The following CTNND2 variants were observed in gnomAD, a reference collection of about 807,000 sequenced individuals.
CTNND2 encodes catenin delta 2.
CTNND2 carries 22 observed loss-of-function variants against 144.4 expected under a neutral mutation model. That is an observed-to-expected ratio of 0.15 (90% CI 0.11 to 0.22). The LOEUF (loss-of-function observed/expected upper bound fraction) is 0.22. Among genes scored for constraint, CTNND2 ranks in the 10% least tolerant of loss-of-function variants. The pLI is 1.00. For missense variants in CTNND2, 1,353 were observed against 1,618.8 expected (o/e 0.84, Z 2.82); for synonymous variants, 751 against 695.6 (o/e 1.08, Z -1.25).
rs1228711025 is a variant in CTNND2 at position 11,364,742 on chromosome 5, C to G, written c.1326G>C (p.Gly442=). The stretch of plus-strand genomic sequence containing the variant: ...CGGTGTGTGCTGGCGGCAGAGGGTC[C>G]CCCTGGCTCTGGCTGAGACTCCTCA... ...PPMRSLSQSQ[G]DPLPPAHTGT... is the part of the protein sequence containing the mutation. The change falls in exon 8 of 22, where the codon GGG becomes GGC. Residue 442 remains glycine, a synonymous_variant. Transcript: ENST00000304623. 1.3e-5 allele frequency: 21 copies of G among 1,613,616 alleles called. No individual in the cohort carries two copies. Among genetic ancestry groups the G allele is most frequent in the Non-Finnish European group, 1.8e-5 (21 of 1,179,904 alleles).
At chr5:11,355,196 A>G (rs953512682) in intron 8 of CTNND2, among the ~76,000 whole-genome samples, 1 of 152,096 alleles carries the variant, frequency 6.6e-6, no homozygotes, top group Non-Finnish European at 1.5e-5. Context: ...TACAAAAACA[A>G]AAACAACCTA....
intron 2 of CTNND2, among the ~76,000 whole-genome samples, chr5:11,596,797 G>A (rs923024841): frequency 2.6e-5 from 4 of 152,172 alleles, no homozygotes; most frequent in African/African-American, 7.2e-5. Context: ...CAAACAGGCT[G>A]AACATGACTG....
intron 1 of CTNND2, among the ~76,000 whole-genome samples, chr5:11,733,501 C>T (rs984789002): frequency 1.3e-5 from 2 of 152,086 alleles, no homozygotes; most frequent in African/African-American, 2.4e-5. Context: ...TTTCCCAAAA[C>T]AGAATATTTT....
chr5:11,240,484 AACACACACCCAAC>A (rs1742209658), intron 9 of CTNND2, among the ~76,000 whole-genome samples: 11 of 97,456 alleles, frequency 1.1e-4, no homozygotes, highest in South Asian at 7.1e-4. Flanking sequence ...CATACACTCA[AACACACACCCAAC>A]ACACACACCC....
chr5:11,879,358 C>CATATATATATGTATATATATATAT (rs1735845077), intron 1 of CTNND2, among the ~76,000 whole-genome samples: 1 of 51,288 alleles, frequency 1.9e-5, no homozygotes, highest in Non-Finnish European at 4.5e-5. Flanking sequence ...TATATATATA[C>CATATATATATGTATATATATATAT]ATATACACAC....
At chr5:11,454,192 C>A (rs1252838834) in intron 3 of CTNND2, among the ~76,000 whole-genome samples, 2 of 152,132 alleles carry the variant, frequency 1.3e-5, no homozygotes, top group African/African-American at 4.8e-5. Flanking sequence ...GAGGCCGAGG[C>A]GGGCGAGTTA....
chr5:11,466,708 A>T (rs1448868638), intron 3 of CTNND2, among the ~76,000 whole-genome samples: 2 of 152,226 alleles, frequency 1.3e-5, no homozygotes, highest in Non-Finnish European at 2.9e-5. Context: ...GATATTGACA[A>T]GATGACATTT....
chr5:11,897,316 G>A (rs1254211030), intron 1 of CTNND2, among the ~76,000 whole-genome samples: 1 of 152,214 alleles, frequency 6.6e-6, no homozygotes, highest in East Asian at 1.9e-4. Flanking sequence ...GTTTTAAAAA[G>A]TGAGCATTTT....
chr5:11,526,655 G>A (rs12519278), intron 3 of CTNND2, among the ~76,000 whole-genome samples: 42,828 of 152,012 alleles, frequency 0.28, 6,682 homozygotes, highest in South Asian at 0.37. Flanking sequence ...ATACCCCTGT[G>A]TTTTAGGAAC....
In CTNND2 at chr5:11,199,612, C is replaced by T. The variant is rs764166440; in HGVS notation, c.1811G>A (p.Arg604Gln). 7 of 1,614,046 alleles carry T rather than the reference C, an allele frequency of 4.3e-6. No homozygotes were observed. The highest frequency in any genetic ancestry group is 2.7e-5 in the African/African-American group (2 of 74,908). The change falls in exon 11 of 22, where the codon CGG becomes CAG. Residue 604 changes from arginine (R) to glutamine (Q), a missense_variant. By Grantham distance (43) the Arg-to-Gln change is conservative. Around this residue, in one of 4 missense-constraint regions of CTNND2, gnomAD observed 69 missense variants for 120.3 expected, o/e 0.57. Coordinates refer to ENST00000304623, the MANE Select transcript of CTNND2 (RefSeq NM_001332.4). ...GGCACTACGGTGGACTTCGGTCATC[C>T]GATGATCCAACAGGTCCACCAGGAG... ...IQLLVDLLDH[R>Q]MTEVHRSACG...
intron 1 of CTNND2, among the ~76,000 whole-genome samples, chr5:11,892,381 A>G (rs982714901): frequency 6.6e-6 from 1 of 152,220 alleles, no homozygotes; most frequent in Non-Finnish European, 1.5e-5. Context: ...CTTCAAAGCT[A>G]TGCTGACAGT....
At chr5:11,653,162 G>A (rs1378779636) in intron 2 of CTNND2, among the ~76,000 whole-genome samples, 2 of 150,802 alleles carry the variant, frequency 1.3e-5, no homozygotes, top group Admixed American at 1.3e-4. Context: ...CATTTAGGTT[G>A]TTTCCATATC....
chr5:11,018,855 C>T lies in CTNND2; in HGVS notation c.3000-797G>A, dbSNP rs964897890. Reference sequence around the variant, plus strand: ...CCTCCTGAGTAGCTGGGATTACAGGCGTGTGCCACCATGCCCAGCTATTTT... The same window carrying T: ...CCTCCTGAGTAGCTGGGATTACAGGTGTGTGCCACCATGCCCAGCTATTTT... On this transcript the variant is annotated intron_variant, in intron 17 of 21. Coordinates refer to ENST00000304623, the MANE Select transcript of CTNND2 (RefSeq NM_001332.4). Among the ~76,000 whole-genome samples, 20 of 152,042 alleles carry T rather than the reference C, an allele frequency of 1.3e-4. No homozygotes were observed. The East Asian group carries it at 3.5e-3, about 27-fold the overall frequency.
chr5:11,295,040 T>C (rs1748761491), intron 9 of CTNND2, among the ~76,000 whole-genome samples: 1 of 152,212 alleles, frequency 6.6e-6, no homozygotes. Context: ...CGAAGTCAAA[T>C]TGTCCCTGTT....
chr5:11,383,014 T>C (rs1758674996), intron 7 of CTNND2, among the ~76,000 whole-genome samples: 1 of 152,178 alleles, frequency 6.6e-6, no homozygotes, highest in Non-Finnish European at 1.5e-5. Flanking sequence ...GTTGGCTCTA[T>C]TCAGCTCCAT....
intron 1 of CTNND2, among the ~76,000 whole-genome samples, chr5:11,855,841 A>G (rs546305320): frequency 4.0e-4 from 61 of 152,290 alleles, no homozygotes; most frequent in African/African-American, 1.3e-3. Flanking sequence ...TTTCTAGATG[A>G]TGGGGATGGA....
chr5:11,870,199 T>C (rs938724991), intron 1 of CTNND2, among the ~76,000 whole-genome samples: 7 of 152,178 alleles, frequency 4.6e-5, no homozygotes, highest in African/African-American at 1.4e-4. Flanking sequence ...TAGGCAATTC[T>C]GTCCCCTAGG....
chr5:11,062,520 C>T (rs555841782), intron 16 of CTNND2, among the ~76,000 whole-genome samples: 42 of 152,338 alleles, frequency 2.8e-4, no homozygotes, highest in Admixed American at 6.5e-4. Context: ...GGAACTGCAG[C>T]TCAAAAATGG....
intron 2 of CTNND2, among the ~76,000 whole-genome samples, chr5:11,655,308 G>C (rs1406973588): frequency 6.6e-6 from 1 of 151,682 alleles, no homozygotes; most frequent in Non-Finnish European, 1.5e-5. Context: ...GGAAACATTG[G>C]GGATTAAGGT....
Sources: gnomAD v4.1 joint callset for allele counts (sites outside exome capture counted in the v4.1 genomes callset) on GRCh38, gnomAD v4.1.1 for gene constraint, gnomAD v4.1.1 regional missense constraint, MANE v1.5 for transcripts, NCBI Gene and HGNC (gene_info 2026-07-23, HGNC 2026-07-21) for gene names.